The following RPL18A variants were observed in gnomAD, a reference collection of about 807,000 sequenced individuals.
RPL18A encodes the protein ribosomal protein L18a.
For missense variants in RPL18A, 163 were observed against 254.1 expected, an observed-to-expected ratio of 0.64 and a Z score of 2.44; for synonymous variants, 122 against 96.9, an observed-to-expected ratio of 1.26 and a Z score of -1.52.
chr19:17,861,375 C>T lies in RPL18A; in HGVS notation c.101C>T (p.Ala34Val). The T allele has an allele frequency of 2.5e-6, 4 of 1,612,148 alleles. No homozygotes were observed. Among genetic ancestry groups the T allele is most frequent in the Admixed American group, 1.7e-5 (1 of 59,912 alleles). The change falls in exon 2 of 5, where the codon GCG (alanine) becomes GTG (valine). Residue 34 changes from alanine (A) to valine (V), a missense_variant. Ala to Val is a moderately conservative substitution (Grantham distance 64, BLOSUM62 0). Transcript: ENST00000222247. Reference sequence around the variant, plus strand: ...CCCCTCTACCGCATGCGAATCTTTGCGCCTAATCATGTCGTCGCCAAGTCC... The same window carrying T: ...CCCCTCTACCGCATGCGAATCTTTGTGCCTAATCATGTCGTCGCCAAGTCC... ...TPPLYRMRIF[A>V]PNHVVAKSRF... is the part of the protein sequence containing the mutation.
At position 17,862,089 on chromosome 19, in the gene RPL18A, G is replaced by A; in HGVS notation, c.199-5G>A. 2.5e-6 allele frequency: 4 copies of A among 1,611,578 alleles called. No individual in the cohort carries two copies. Among genetic ancestry groups the A allele is most frequent in the Non-Finnish European group, 3.4e-6 (4 of 1,179,642 alleles). On this transcript the variant is annotated splice_region_variant and splice_polypyrimidine_tract_variant and intron_variant, in intron 2 of 4. Transcript: ENST00000222247. Reference sequence around the variant, plus strand: ...TCACATCTCCCTGTGGCCTCTCCTTGGCAGGTGTTTGAGAAGTCCCCCCTG... The same window carrying A: ...TCACATCTCCCTGTGGCCTCTCCTTAGCAGGTGTTTGAGAAGTCCCCCCTG...
intron 3 of RPL18A, chr19:17,862,568 G>A (rs1303660438): frequency 4.3e-6 from 3 of 702,296 alleles, no homozygotes; most frequent in Non-Finnish European, 7.9e-6. Context: ...CAGGGTCTGT[G>A]AGACCCCCAC....
intron 3 of RPL18A, 81 bp from the exon 4 acceptor site, chr19:17,862,837 C>T: frequency 1.1e-6 from 1 of 925,568 alleles, no homozygotes; most frequent in Non-Finnish European, 1.8e-6. Flanking sequence ...TGTGTCAGGT[C>T]ATTGGGCAGG....
At chr19:17,862,643 G>T (rs1039544297) in intron 3 of RPL18A, 4 of 735,372 alleles carry the variant, frequency 5.4e-6, no homozygotes, top group African/African-American at 1.7e-5. Flanking sequence ...AAACAGAGGT[G>T]CAAACAGCAA....
chr19:17,861,647 G>A, intron 2 of RPL18A, 175 bp downstream of exon 2: 1 of 618,674 alleles, frequency 1.6e-6, no homozygotes, highest in Non-Finnish European at 2.8e-6. Context: ...CGGGACTGGA[G>A]CAGAGCTTAT....
Position 17,862,986 on chromosome 19 carries a change from G to A in RPL18A, c.397G>A (p.Ala133Thr), listed in dbSNP as rs568287022. The change falls in exon 4 of 5, where the codon GCG becomes ACG. Residue 133 changes from alanine to threonine, a missense_variant. Ala to Thr is a moderately conservative substitution (Grantham distance 58). Transcript: ENST00000222247. ...TCAGATCATGAAGGTGGAGGAGATC[G>A]CGGCCAGCAAGTGCCGCCGGCCGGC... ...SIQIMKVEEI[A>T]ASKCRRPAVK... 4.7e-5 allele frequency: 76 copies of A among 1,612,404 alleles called. No homozygotes were observed. In the South Asian group the frequency reaches 5.8e-4, roughly 12 times the overall value.
intron 1 of RPL18A, chr19:17,860,884 A>G (rs976963498): frequency 1.4e-5 from 3 of 208,904 alleles, no homozygotes; most frequent in African/African-American, 7.1e-5. Context: ...GTGAGATCCC[A>G]TGCTGGTCAC....
chr19:17,861,202 CTG>C, intron 1 of RPL18A, 89 bp from the exon 2 acceptor site: 2 of 1,253,160 alleles, frequency 1.6e-6, no homozygotes, highest in Non-Finnish European at 2.3e-6. Flanking sequence ...CTTCCCGAAT[CTG>C]TGGTCACTAG....
chr19:17,861,530 C>T (rs559531828), intron 2 of RPL18A, 58 bp downstream of exon 2: 9 of 1,326,038 alleles, frequency 6.8e-6, no homozygotes, highest in South Asian at 2.8e-5. Context: ...CTTGGGACAT[C>T]GTGCATCTCA....
intron 1 of RPL18A, 155 bp from the exon 2 acceptor site, chr19:17,861,138 G>A (rs1599894970): frequency 1.6e-6 from 1 of 639,914 alleles, no homozygotes; most frequent in Non-Finnish European, 2.8e-6. Flanking sequence ...TCGGGAGTGT[G>A]ACCTACAGTC....
intron 3 of RPL18A, 126 bp downstream of exon 3, chr19:17,862,349 A>C: frequency 8.3e-7 from 1 of 1,199,388 alleles, no homozygotes. Flanking sequence ...ACAGGAAGAC[A>C]AAAGGATGCC....
At chr19:17,860,131 C>T (rs1280004607) in intron 1 of RPL18A, 157 bp downstream of exon 1, 5 of 630,314 alleles carry the variant, frequency 7.9e-6, no homozygotes, top group Non-Finnish European at 1.3e-5. Flanking sequence ...ACATGGCGGC[C>T]ATCGTGGGAG....
At chr19:17,862,782 TC>T in intron 3 of RPL18A, 135 bp from the exon 4 acceptor site, 1 of 762,774 alleles carries the variant, frequency 1.3e-6, no homozygotes, top group Non-Finnish European at 2.4e-6. Flanking sequence ...ACCACCACCT[TC>T]CCGTGAGCCC....
rs1373988186 is a variant in RPL18A, at chr19:17,859,935, C to T, written c.-22C>T. ...AGAGGACACTTCCTTTTGCGGGTGG[C>T]GGCGAACGCGGAGAGCACGCCATGA... On this transcript the variant is annotated 5_prime_UTR_variant, in exon 1 of 5. Transcript: ENST00000222247. 4.5e-6 allele frequency: 7 copies of T among 1,542,006 alleles called. No homozygotes were observed. In the South Asian group the frequency reaches 4.8e-5, roughly 11 times the overall value.
chr19:17,860,654 A>C (rs1165754949), intron 1 of RPL18A: 1 of 152,556 alleles, frequency 6.6e-6, no homozygotes, highest in Admixed American at 6.5e-5. Flanking sequence ...AAAGCTGGCG[A>C]GTCAGTTTCA....
chr19:17,863,141 A>G (rs1343578927), intron 4 of RPL18A, 30 bp from the exon 5 acceptor site: 4 of 1,591,974 alleles, frequency 2.5e-6, no homozygotes, highest in East Asian at 2.2e-5. Context: ...GAGGCTTCCA[A>G]CCCCCTCAAC....
chr19:17,860,254 G>C (rs116110394), intron 1 of RPL18A: 185 of 428,732 alleles, frequency 4.3e-4, no homozygotes, highest in African/African-American at 3.6e-3. Context: ...AGAGGCCCTA[G>C]CCCCGGCACC....
chr19:17,862,899 G>GCCCCGCTCCTTT lies in RPL18A; in HGVS notation c.329-16_329-5dup, dbSNP rs2094280064. 6.4e-7 allele frequency: 1 copy of GCCCCGCTCCTTT among 1,570,924 alleles called. No homozygotes were observed. Reference sequence around the variant, plus strand: ...GAGCCCAGGCAACACCGTCACCCTGGCCCCGCTCCTTTCCACAGACCGAGA... The same window carrying GCCCCGCTCCTTT: ...GAGCCCAGGCAACACCGTCACCCTGGCCCCGCTCCTTTCCCCGCTCCTTTCCACAGACCGAGA... On this transcript the variant is annotated intron_variant, in intron 3 of 4. Coordinates refer to ENST00000222247, the MANE Select transcript of RPL18A (RefSeq NM_000980.4).
chr19:17,860,713 T>C (rs977290851), intron 1 of RPL18A: 3 of 154,140 alleles, frequency 1.9e-5, no homozygotes, highest in African/African-American at 7.2e-5. Flanking sequence ...TGACCAAAGA[T>C]TCTCACCTCT....
Sources: gnomAD v4.1 joint callset for allele counts on GRCh38, gnomAD v4.1.1 for gene constraint, MANE v1.5 for transcripts, NCBI Gene and HGNC (gene_info 2026-07-23, HGNC 2026-07-21) for gene names.